The following UBE2E1 variants were observed in gnomAD, a reference collection of about 807,000 sequenced individuals.
UBE2E1 encodes ubiquitin-conjugating enzyme E2 E1.
A neutral mutation model predicts 21.4 loss-of-function variants in UBE2E1; 6 were observed. The observed-to-expected ratio is 0.28, with a 90% confidence interval of 0.15 to 0.55. The LOEUF (loss-of-function observed/expected upper bound fraction) is 0.55, where lower values mean the gene tolerates loss of function less well. Ranked by LOEUF, UBE2E1 falls within the 20% of genes least tolerant of loss-of-function variation. UBE2E1 has a pLI of 0.93. For missense variants in UBE2E1, 142 were observed against 236.5 expected, an observed-to-expected ratio of 0.60 and a Z score of 2.62; for synonymous variants, 87 against 82.7, an observed-to-expected ratio of 1.05 and a Z score of -0.28.
chr3:23,819,007 G>A (rs144439296), intron 3 of UBE2E1, among the ~76,000 whole-genome samples: 67 of 152,312 alleles, frequency 4.4e-4, no homozygotes, highest in African/African-American at 1.6e-3. Context: ...TAGAGAGTCC[G>A]GGCACGGTGG....
At chr3:23,850,667 C>A (rs1402409240) in intron 3 of UBE2E1, among the ~76,000 whole-genome samples, 1 of 149,202 alleles carries the variant, frequency 6.7e-6, no homozygotes, top group Non-Finnish European at 1.5e-5. Flanking sequence ...CCACTGCATC[C>A]GGCACACCTG....
rs1321052464 is a variant in UBE2E1, at chr3:23,870,288, T to A, written c.204-17279T>A. Among the ~76,000 whole-genome samples the A allele has an allele frequency of 1.3e-5, 2 of 152,010 alleles. No individual in the cohort carries two copies. The highest frequency in any genetic ancestry group is 2.4e-5 in the African/African-American group (1 of 41,390). On this transcript the variant is annotated intron_variant, in intron 3 of 5. Coordinates refer to ENST00000306627, the MANE Select transcript of UBE2E1 (RefSeq NM_003341.5). The surrounding 1 kb of genome is among the most constrained non-coding windows in gnomAD (Gnocchi z 4.2). ...CCGGGGGGACCATAGCTCCTTTTTTTAAAAAAAGGAGCCAGTTGTGAAGTC... is the reference window on the plus strand; with the variant it reads ...CCGGGGGGACCATAGCTCCTTTTTTAAAAAAAAGGAGCCAGTTGTGAAGTC...
At chr3:23,831,784 C>A (rs1699871798) in intron 3 of UBE2E1, among the ~76,000 whole-genome samples, 1 of 152,028 alleles carries the variant, frequency 6.6e-6, no homozygotes, top group African/African-American at 2.4e-5. Context: ...GCAACCTCTG[C>A]CTTCCAGGTT....
At chr3:23,856,178 C>T (rs1351632539) in intron 3 of UBE2E1, among the ~76,000 whole-genome samples, 1 of 152,102 alleles carries the variant, frequency 6.6e-6, no homozygotes, top group Non-Finnish European at 1.5e-5. Flanking sequence ...AGGCAGGTAC[C>T]ACCATGCCTT....
intron 4 of UBE2E1, 56 bp from the exon 5 acceptor site, chr3:23,889,056 A>T: frequency 6.6e-7 from 1 of 1,526,386 alleles, no homozygotes; most frequent in South Asian, 1.3e-5. Flanking sequence ...TCAGTTGAAT[A>T]TTTAGTAACA....
intron 3 of UBE2E1, among the ~76,000 whole-genome samples, chr3:23,819,284 A>AAAATAAAT (rs535287414): frequency 7.2e-5 from 11 of 151,898 alleles, no homozygotes; most frequent in Non-Finnish European, 8.8e-5. Flanking sequence ...ACGCCATCTC[A>AAAATAAAT]AAATAAATAA....
chr3:23,818,666 T>C (rs1385373186), intron 3 of UBE2E1, among the ~76,000 whole-genome samples: 1 of 152,208 alleles, frequency 6.6e-6, no homozygotes, highest in Non-Finnish European at 1.5e-5. Context: ...TTTGCACACA[T>C]TGAATCTGAG....
At chr3:23,849,676 A>C (rs1411555696) in intron 3 of UBE2E1, among the ~76,000 whole-genome samples, 1 of 152,208 alleles carries the variant, frequency 6.6e-6, no homozygotes, top group African/African-American at 2.4e-5. Flanking sequence ...GTTGCTGCAA[A>C]TAACATGAAC....
At position 23,890,751 on chromosome 3, in the gene UBE2E1, G is replaced by T; in HGVS notation, c.*145G>T. On this transcript the variant is annotated 3_prime_UTR_variant, in exon 6 of 6. Coordinates refer to ENST00000306627, the MANE Select transcript of UBE2E1 (RefSeq NM_003341.5). ...ATTCAGTCTTATTTCCTAAGATTTT[G>T]TTGTAACTTAAGGTATCTTGCTACA... The T allele has an allele frequency of 2.8e-6, 2 of 706,514 alleles. No homozygotes were observed. Among genetic ancestry groups the T allele is most frequent in the South Asian group, 3.6e-5 (1 of 27,466 alleles). 43.8% of individuals were successfully genotyped at this position (706,514 alleles called of 1,614,324 possible).
Position 23,842,249 on chromosome 3 carries a change from G to GTGTGTGTGT in UBE2E1, c.203+30739_203+30740insTGTGTGTGT, listed in dbSNP as rs58491698. ...TGTGTGTGTGTGTGTGTGTGTGTGT[G>GTGTGTGTGT]GTGTTGTTGTTGTTGGCGACAGGGT... On this transcript the variant is annotated intron_variant, in intron 3 of 5. Transcript: ENST00000306627. The surrounding 1 kb of genome is among the most constrained non-coding windows in gnomAD (Gnocchi z 4.6). Among the ~76,000 whole-genome samples the GTGTGTGTGT allele has an allele frequency of 1.3e-4, 13 of 98,218 alleles. No individual in the cohort carries two copies. The highest frequency in any genetic ancestry group is 5.6e-3 in the Middle Eastern group (1 of 180). The allele number at this position is 98,218 out of a possible 152,430, so 64.4% of individuals were successfully genotyped here.
chr3:23,849,534 T>C (rs761549801), intron 3 of UBE2E1, among the ~76,000 whole-genome samples: 1 of 152,108 alleles, frequency 6.6e-6, no homozygotes, highest in African/African-American at 2.4e-5. Flanking sequence ...CAGGCCCTAG[T>C]GTGTGATGTT....
chr3:23,880,224 A>T (rs1458235109), intron 3 of UBE2E1, among the ~76,000 whole-genome samples: 1 of 152,206 alleles, frequency 6.6e-6, no homozygotes, highest in African/African-American at 2.4e-5. Context: ...CTCTACTAAA[A>T]ATACAAAAAT....
intron 3 of UBE2E1, among the ~76,000 whole-genome samples, chr3:23,866,690 C>G (rs1055191457): frequency 6.6e-6 from 1 of 152,162 alleles, no homozygotes; most frequent in Non-Finnish European, 1.5e-5. Context: ...AAATTCCTCT[C>G]CACACTAAGT....
intron 3 of UBE2E1, among the ~76,000 whole-genome samples, chr3:23,868,487 T>C (rs1458586477): frequency 6.6e-6 from 1 of 151,976 alleles, no homozygotes; most frequent in Non-Finnish European, 1.5e-5. Context: ...TTTTGAATTT[T>C]TATTAGAGAT....
chr3:23,875,180 A>G (rs1201181249), intron 3 of UBE2E1, among the ~76,000 whole-genome samples: 2 of 152,238 alleles, frequency 1.3e-5, no homozygotes, highest in Non-Finnish European at 2.9e-5. Context: ...GAGCAGCAGC[A>G]TATACAGTAA....
At position 23,816,596 on chromosome 3, in the gene UBE2E1, A is replaced by G. The variant is rs1699524172; in HGVS notation, c.203+5086A>G. On this transcript the variant is annotated intron_variant, in intron 3 of 5. Transcript: ENST00000306627. This position sits in a 1 kb window ranked among gnomAD's most constrained non-coding sequence, Gnocchi z 4.8. ...GTGGCGGGCACCTGTAGTCCCAGCT[A>G]CTCAGGAGGCTGAGGCAGGAGAATG... Among the ~76,000 whole-genome samples, 1 of 152,060 alleles carries G rather than the reference A, an allele frequency of 6.6e-6. No individual in the cohort carries two copies. The highest frequency in any genetic ancestry group is 2.4e-5 in the African/African-American group (1 of 41,404).
chr3:23,842,242 TGTGTGTG>T lies in UBE2E1; in HGVS notation c.203+30737_203+30743del, dbSNP rs1361152798. On this transcript the variant is annotated intron_variant, in intron 3 of 5. Transcript: ENST00000306627. This position sits in a 1 kb window ranked among gnomAD's most constrained non-coding sequence, Gnocchi z 4.6. ...GTGTGTGTGTGTGTGTGTGTGTGTGTGTGTGTGGTGTTGTTGTTGTTGGCGACAGGGT... is the reference window on the plus strand; with the variant it reads ...GTGTGTGTGTGTGTGTGTGTGTGTGTGTGTTGTTGTTGTTGGCGACAGGGT... Among the ~76,000 whole-genome samples the T allele has an allele frequency of 4.4e-4, 29 of 66,176 alleles. 1 individual carries two copies. In the East Asian group the frequency reaches 6.1e-3, roughly 14 times the overall value. 43.4% of individuals were successfully genotyped at this position (66,176 alleles called of 152,430 possible). A position where few individuals can be genotyped will look rare whatever the true frequency, so the allele number is the denominator to read the frequency against.
At chr3:23,885,867 C>CAAACAAAAA (rs1437177399) in intron 3 of UBE2E1, among the ~76,000 whole-genome samples, 2 of 151,110 alleles carry the variant, frequency 1.3e-5, no homozygotes, top group Non-Finnish European at 2.9e-5. Flanking sequence ...CCTTAAAAAA[C>CAAACAAAAA]AAACAAAAAA....
chr3:23,869,351 CTTTTTTTTTTTTT>C (rs58059005), intron 3 of UBE2E1, among the ~76,000 whole-genome samples: 19 of 114,554 alleles, frequency 1.7e-4, no homozygotes, highest in South Asian at 2.9e-4. Flanking sequence ...TTATGGTATC[CTTTTTTTTTTTTT>C]TTTTTTTTTT....
Sources: allele counts gnomAD v4.1 joint callset (sites outside exome capture counted in the v4.1 genomes callset), GRCh38; gene constraint gnomAD v4.1.1; non-coding constraint Gnocchi (gnomAD v3.1); transcripts MANE v1.5; gene names NCBI Gene and HGNC (gene_info 2026-07-23, HGNC 2026-07-21).